The following BRINP2 variants were observed in gnomAD, a reference collection of about 807,000 sequenced individuals.
BRINP2 encodes BMP/retinoic acid-inducible neural-specific protein 2.
BRINP2 carries 21 observed loss-of-function variants against 69.2 expected under a neutral mutation model. The observed-to-expected ratio is 0.30, with a 90% CI of 0.22 to 0.44. The LOEUF is 0.44. Among genes scored for constraint, BRINP2 ranks in the 20% least tolerant of loss-of-function variants. The probability of loss-of-function intolerance (pLI) is 1.00; values close to 1 mark genes in which losing one functional copy is unlikely to be tolerated. For missense variants in BRINP2, 877 were observed against 986.0 expected (o/e 0.89, Z 1.48); for synonymous variants, 380 against 394.1 (o/e 0.96, Z 0.42).
intron 2 of BRINP2, among the ~76,000 whole-genome samples, chr1:177,247,995 AG>A (rs1419052339): frequency 6.6e-6 from 1 of 152,176 alleles, no homozygotes; most frequent in Admixed American, 6.5e-5. Context: ...CTTAGGATAC[AG>A]GGATGTGACT....
intron 1 of BRINP2, among the ~76,000 whole-genome samples, chr1:177,211,982 G>T (rs1042031632): frequency 1.1e-4 from 17 of 152,034 alleles, no homozygotes; most frequent in African/African-American, 4.1e-4. Context: ...ATAAATAAAA[G>T]GTTTCTTTTC....
chr1:177,233,946 ATGGGCT>A (rs1279560261), intron 2 of BRINP2, among the ~76,000 whole-genome samples: 2 of 152,202 alleles, frequency 1.3e-5, no homozygotes, highest in African/African-American at 4.8e-5. Flanking sequence ...AGATAACAGG[ATGGGCT>A]TGGGCATTTC....
At chr1:177,233,346 T>C (rs773844868) in intron 2 of BRINP2, among the ~76,000 whole-genome samples, 7 of 152,206 alleles carry the variant, frequency 4.6e-5, no homozygotes, top group African/African-American at 9.7e-5. Flanking sequence ...TGTTCCTCAA[T>C]TTTCCTATTT....
chr1:177,271,958 T>C (rs1651342871), intron 4 of BRINP2, among the ~76,000 whole-genome samples: 1 of 152,156 alleles, frequency 6.6e-6, no homozygotes, highest in Non-Finnish European at 1.5e-5. Context: ...CTCTGCTCCA[T>C]GTGTATTTTT....
At chr1:177,190,271 C>G (rs1244322006) in intron 1 of BRINP2, among the ~76,000 whole-genome samples, 1 of 152,168 alleles carries the variant, frequency 6.6e-6, no homozygotes, top group Admixed American at 6.5e-5. Flanking sequence ...GTTTCTGAAC[C>G]TGTCTCTCTC....
intron 1 of BRINP2, 33 bp from the exon 2 acceptor site, chr1:177,229,768 G>A (rs998935854): frequency 2.1e-6 from 3 of 1,441,538 alleles, no homozygotes; most frequent in Non-Finnish European, 2.8e-6. Flanking sequence ...GTAACAGGGT[G>A]CTCAAATGAC....
rs560507966 is a variant in BRINP2 at position 177,203,165 on chromosome 1, A to G, written c.-76-26636A>G. Among the ~76,000 whole-genome samples the G allele has an allele frequency of 1.8e-3, 278 of 152,316 alleles. 1 individual carries two copies. Among genetic ancestry groups the G allele is most frequent in the African/African-American group, 6.3e-3 (263 of 41,558 alleles). On this transcript the variant is annotated intron_variant, in intron 1 of 7. Coordinates refer to ENST00000361539, the MANE Select transcript of BRINP2 (RefSeq NM_021165.4). The stretch of plus-strand genomic sequence containing the variant: ...TGCAGCCATAAAAAATGATGAGTTC[A>G]TGTCCTTTGTAGGGACGTGGATGAA...
intron 1 of BRINP2, among the ~76,000 whole-genome samples, chr1:177,183,202 C>T (rs549146831): frequency 1.1e-3 from 146 of 127,370 alleles, no homozygotes; most frequent in Non-Finnish European, 1.7e-3. Flanking sequence ...CTCACAAATG[C>T]AGTGAGCAAA....
intron 7 of BRINP2, 71 bp downstream of exon 7, chr1:177,278,856 C>A (rs1232846453): frequency 7.4e-6 from 11 of 1,479,286 alleles, no homozygotes; most frequent in Non-Finnish European, 1.0e-5. Flanking sequence ...CAAGGAGAAC[C>A]CTCTGTCCAA....
Position 177,201,334 on chromosome 1 carries a change from C to T in BRINP2, c.-76-28467C>T, listed in dbSNP as rs139066904. On this transcript the variant is annotated intron_variant, in intron 1 of 7. Transcript: ENST00000361539. The stretch of plus-strand genomic sequence containing the variant: ...TCTCTTTTAATTGGCTTGGACAGGA[C>T]GCTTCAGGCAATTTTGGCTTCATCT... Among the ~76,000 whole-genome samples the T allele has an allele frequency of 2.7e-3, 405 of 152,236 alleles. 3 individuals carry two copies. The highest frequency in any genetic ancestry group is 9.1e-3 in the African/African-American group (376 of 41,542).
At chr1:177,219,426 CTG>C (rs1374173773) in intron 1 of BRINP2, among the ~76,000 whole-genome samples, 2 of 152,248 alleles carry the variant, frequency 1.3e-5, no homozygotes, top group Non-Finnish European at 2.9e-5. Context: ...GATTCTTTCT[CTG>C]TGTACTTATT....
chr1:177,226,109 C>G (rs764007910), intron 1 of BRINP2, among the ~76,000 whole-genome samples: 1 of 152,188 alleles, frequency 6.6e-6, no homozygotes, highest in Non-Finnish European at 1.5e-5. Flanking sequence ...AAAGAGCACA[C>G]AGGTTTTTCA....
Position 177,278,579 on chromosome 1 carries a change from G to A in BRINP2, c.1029G>A (p.Leu343=), listed in dbSNP as rs1253025079. 1 of 1,614,162 alleles carries A rather than the reference G, an allele frequency of 6.2e-7. No individual in the cohort carries two copies. The highest frequency in any genetic ancestry group is 8.5e-7 in the Non-Finnish European group (1 of 1,180,028). ...TGTCCACAGAAGAGTTCCAGGCCCT[G>A]CTGAAAAGGCTGCCCGATGACCGGT... is the stretch of plus-strand genomic sequence containing the variant. ...QFEESEEFQA[L]LKRLPDDRFL... The change falls in exon 7 of 8, where the codon CTG becomes CTA. Residue 343 remains leucine (L), a synonymous_variant. Transcript: ENST00000361539.
At chr1:177,234,826 G>T (rs111638338) in intron 2 of BRINP2, among the ~76,000 whole-genome samples, 2 of 152,132 alleles carry the variant, frequency 1.3e-5, no homozygotes, top group African/African-American at 4.8e-5. Context: ...GACTAAAAGG[G>T]ACATCATAGT....
At chr1:177,256,312 A>AG (rs1275183529) in intron 3 of BRINP2, 1 of 984,732 alleles carries the variant, frequency 1.0e-6, no homozygotes, top group African/African-American at 1.7e-5. Context: ...TTCCCTGAGG[A>AG]GGGGAAGTTG....
At chr1:177,221,887 T>C (rs939097553) in intron 1 of BRINP2, among the ~76,000 whole-genome samples, 3 of 152,166 alleles carry the variant, frequency 2.0e-5, no homozygotes, top group African/African-American at 4.8e-5. Flanking sequence ...GGCTAAAAGA[T>C]GTGAGAGACC....
chr1:177,171,434 A>C lies in BRINP2; in HGVS notation c.-375A>C, dbSNP rs1647925550. The C allele has an allele frequency of 6.3e-6, 1 of 157,774 alleles. No individual in the cohort carries two copies. The highest frequency in any genetic ancestry group is 1.7e-4 in the South Asian group (1 of 6,028). 9.8% of individuals were successfully genotyped at this position (157,774 alleles called of 1,614,324 possible). Reference sequence around the variant, plus strand: ...GATCCTGGCTGCTCAGCGGGAAGGCAGCAGGCAAGTGGTCTAACGTTGGCG... The same window carrying C: ...GATCCTGGCTGCTCAGCGGGAAGGCCGCAGGCAAGTGGTCTAACGTTGGCG... On this transcript the variant is annotated 5_prime_UTR_variant, in exon 1 of 8. Transcript: ENST00000361539.
intron 4 of BRINP2, among the ~76,000 whole-genome samples, chr1:177,261,114 A>C (rs906868172): frequency 7.9e-5 from 12 of 152,064 alleles, no homozygotes; most frequent in African/African-American, 2.9e-4. Flanking sequence ...AAGTGCCCTA[A>C]AGTGGCAGGG....
chr1:177,257,918 G>A (rs1177837718), intron 4 of BRINP2, among the ~76,000 whole-genome samples: 1 of 152,304 alleles, frequency 6.6e-6, no homozygotes, highest in East Asian at 1.9e-4. Context: ...CTTTTAGCAG[G>A]AACCAGCCTG....
Sources: allele counts gnomAD v4.1 joint callset (sites outside exome capture counted in the v4.1 genomes callset), GRCh38; gene constraint gnomAD v4.1.1; transcripts MANE v1.5; gene names NCBI Gene and HGNC (gene_info 2026-07-23, HGNC 2026-07-21).